The following SOCS7 variants were observed in gnomAD, a reference collection of about 807,000 sequenced individuals.
SOCS7 encodes NAP-4.
SOCS7 carries 18 observed loss-of-function variants against 58.9 expected under a neutral mutation model. That is an observed-to-expected ratio of 0.31 (90% CI 0.21 to 0.45). The LOEUF is 0.45. Among genes scored for constraint, SOCS7 ranks in the 20% least tolerant of loss-of-function variants. The pLI is 1.00. For synonymous variants in SOCS7, 388 were observed against 364.3 expected (o/e 1.06, Z -0.74); for missense variants, 667 against 837.3 (o/e 0.80, Z 2.51).
At chr17:38,361,676 C>T in intron 1 of SOCS7, 35 bp from the exon 2 acceptor site, 1 of 1,543,298 alleles carries the variant, frequency 6.5e-7, no homozygotes, top group Non-Finnish European at 9.0e-7. Context: ...GTTCATTTCT[C>T]CCCTCTATTC....
intron 1 of SOCS7, among the ~76,000 whole-genome samples, chr17:38,357,830 A>T (rs1466030197): frequency 1.3e-5 from 2 of 152,232 alleles, no homozygotes; most frequent in Non-Finnish European, 2.9e-5. Context: ...CAGGAGATTT[A>T]TGGGCAAGAT....
At chr17:38,367,205 C>T (rs886843871) in intron 5 of SOCS7, among the ~76,000 whole-genome samples, 21 of 151,880 alleles carry the variant, frequency 1.4e-4, no homozygotes, top group African/African-American at 4.8e-4. Context: ...GCTGGTATTA[C>T]AGGCGCCCAC....
In SOCS7 at chr17:38,395,218, C is replaced by T. The variant is rs1366670024; in HGVS notation, c.1682-91C>T. 74 of 1,370,328 alleles carry T rather than the reference C, an allele frequency of 5.4e-5. 1 individual carries two copies. The Admixed American group carries it at 1.4e-3, about 27-fold the overall frequency. The allele number at this position is 1,370,328 out of a possible 1,614,324, so 84.9% of individuals were successfully genotyped here. The stretch of plus-strand genomic sequence containing the variant: ...ACATATATGAACCATAAAGAAGTCC[C>T]ATTTCCCCTCCCTAGGTTCTCTTCA... On this transcript the variant is annotated intron_variant, in intron 7 of 9. Coordinates refer to ENST00000612932, the MANE Select transcript of SOCS7 (RefSeq NM_014598.4).
intron 9 of SOCS7, 48 bp downstream of exon 9, chr17:38,396,046 T>TGAGG: frequency 6.7e-7 from 1 of 1,485,416 alleles, no homozygotes. Flanking sequence ...TCCTGGGCAG[T>TGAGG]CATCATCATG....
chr17:38,361,866 C>T, intron 2 of SOCS7, 91 bp downstream of exon 2: 1 of 885,386 alleles, frequency 1.1e-6, no homozygotes, highest in Non-Finnish European at 1.8e-6. Context: ...TCACAGGGAG[C>T]TGTAGGCGTG....
chr17:38,384,234 C>A (rs958562873), intron 7 of SOCS7, among the ~76,000 whole-genome samples: 5 of 152,204 alleles, frequency 3.3e-5, no homozygotes, highest in Admixed American at 3.3e-4. Flanking sequence ...CATGGCCACT[C>A]CTGCCCTGTT....
intron 1 of SOCS7, among the ~76,000 whole-genome samples, chr17:38,355,984 A>G (rs995924765): frequency 6.6e-6 from 1 of 152,062 alleles, no homozygotes; most frequent in Non-Finnish European, 1.5e-5. Flanking sequence ...CCCGGGTTCA[A>G]GCGATTCTTC....
At chr17:38,353,649 A>T (rs1410814027) in intron 1 of SOCS7, among the ~76,000 whole-genome samples, 2 of 152,168 alleles carry the variant, frequency 1.3e-5, no homozygotes, top group African/African-American at 4.8e-5. Flanking sequence ...CACACCTGTA[A>T]TCCCAGCACT....
At chr17:38,378,100 G>A (rs943898687) in intron 7 of SOCS7, among the ~76,000 whole-genome samples, 3 of 152,202 alleles carry the variant, frequency 2.0e-5, no homozygotes, top group Non-Finnish European at 2.9e-5. Context: ...GGCATCATGT[G>A]AACATTTGAC....
At chr17:38,362,384 C>T (rs752347214) in intron 2 of SOCS7, among the ~76,000 whole-genome samples, 9 of 152,144 alleles carry the variant, frequency 5.9e-5, no homozygotes, top group South Asian at 2.1e-4. Flanking sequence ...CTTCTCGTTT[C>T]GTAGGGAGCT....
rs986344103 is a variant in SOCS7 at position 38,402,950 on chromosome 17, G to A, written c.*3468G>A. ...GTGACAACTACTGCTACAACTTGCT[G>A]TTACTTGAAATTCGTGTGCTATGTT... On this transcript the variant is annotated 3_prime_UTR_variant, in exon 10 of 10. Coordinates refer to ENST00000612932, the MANE Select transcript of SOCS7 (RefSeq NM_014598.4). 1 of 152,222 alleles carries A rather than the reference G, an allele frequency of 6.6e-6. No individual in the cohort carries two copies. Among genetic ancestry groups the A allele is most frequent in the Non-Finnish European group, 1.5e-5 (1 of 68,052 alleles). 9.4% of individuals were successfully genotyped at this position (152,222 alleles called of 1,614,324 possible).
intron 1 of SOCS7, among the ~76,000 whole-genome samples, chr17:38,356,816 T>C (rs1369298500): frequency 6.6e-6 from 1 of 152,268 alleles, no homozygotes; most frequent in African/African-American, 2.4e-5. Context: ...GTCCTCAGTG[T>C]AATCTAGCAT....
chr17:38,372,676 C>T (rs2037882337), intron 6 of SOCS7, among the ~76,000 whole-genome samples: 2 of 152,144 alleles, frequency 1.3e-5, no homozygotes, highest in South Asian at 2.1e-4. Flanking sequence ...ACTAGTGTTG[C>T]TGGAAGTTCC....
rs1031710533 is a variant in SOCS7, at chr17:38,370,814, C to A, written c.1552+2764C>A. Among the ~76,000 whole-genome samples, 3 of 152,080 alleles carry A rather than the reference C, an allele frequency of 2.0e-5. No homozygotes were observed. In the South Asian group the frequency reaches 6.2e-4, roughly 32 times the overall value. On this transcript the variant is annotated intron_variant, in intron 6 of 9. Coordinates refer to ENST00000612932, the MANE Select transcript of SOCS7 (RefSeq NM_014598.4). ...TATAGGCACCCACCACCATGCCCAG[C>A]TAATTTTTGTATTTTTAGTAGAGAC... is the stretch of plus-strand genomic sequence containing the variant.
At chr17:38,395,019 C>T (rs2038227139) in intron 7 of SOCS7, among the ~76,000 whole-genome samples, 2 of 152,158 alleles carry the variant, frequency 1.3e-5, no homozygotes, top group African/African-American at 4.8e-5. Context: ...CACTGCACTC[C>T]AGCCTGGGTG....
intron 7 of SOCS7, among the ~76,000 whole-genome samples, chr17:38,389,863 G>GTATATATATATATATATATATATATATA (rs1261982144): frequency 4.5e-5 from 1 of 22,334 alleles, no homozygotes; most frequent in African/African-American, 1.6e-4. Context: ...GTGTGTATGT[G>GTATATATATATATATATATATATATATA]TGTACATATA....
chr17:38,372,552 C>G (rs1433425124), intron 6 of SOCS7, among the ~76,000 whole-genome samples: 1 of 152,180 alleles, frequency 6.6e-6, no homozygotes, highest in Non-Finnish European at 1.5e-5. Context: ...GTTTATCTCT[C>G]CAGCTAATTG....
chr17:38,364,736 T>C lies in SOCS7; in HGVS notation c.1046-16T>C. ...CAAGGCGCTTCTGTAACTTGCTTGC[T>C]CCATGAATCCCTCAGGTGAAACTGT... On this transcript the variant is annotated splice_polypyrimidine_tract_variant and intron_variant, in intron 2 of 9. Coordinates refer to ENST00000612932, the MANE Select transcript of SOCS7 (RefSeq NM_014598.4). 1 of 1,610,844 alleles carries C rather than the reference T, an allele frequency of 6.2e-7. No homozygotes were observed. Among genetic ancestry groups the C allele is most frequent in the Non-Finnish European group, 8.5e-7 (1 of 1,177,116 alleles).
intron 7 of SOCS7, among the ~76,000 whole-genome samples, chr17:38,381,014 G>C (rs1029073754): frequency 1.3e-5 from 2 of 152,176 alleles, no homozygotes; most frequent in Non-Finnish European, 2.9e-5. Context: ...ACCTGGGCTT[G>C]ACTACAAATC....
Sources: allele counts gnomAD v4.1 joint callset (sites outside exome capture counted in the v4.1 genomes callset), GRCh38; gene constraint gnomAD v4.1.1; transcripts MANE v1.5; gene names NCBI Gene and HGNC (gene_info 2026-07-23, HGNC 2026-07-21).